Variants in NOSTRIN observed in about 807,000 individuals in gnomAD.
NOSTRIN encodes the protein BM247 homolog.
A neutral mutation model predicts 59.0 loss-of-function variants in NOSTRIN; 63 were observed. The observed-to-expected ratio is 1.07, with a 90% CI of 0.87 to 1.32. NOSTRIN has a LOEUF of 1.32. Among genes scored for constraint, NOSTRIN ranks in the 40% most tolerant of loss-of-function variants. The pLI, the probability that NOSTRIN is intolerant of heterozygous loss-of-function variation, is 0.00. For missense variants in NOSTRIN, 512 were observed against 473.1 expected (o/e 1.08, Z -0.76); for synonymous variants, 200 against 165.4 (o/e 1.21, Z -1.61).
intron 11 of NOSTRIN, chr2:168,856,068 C>G (rs139754316): frequency 8.9e-6 from 2 of 224,752 alleles, no homozygotes; most frequent in Non-Finnish European, 1.8e-5. Context: ...AATACCATAA[C>G]GAGGAAGAAG....
intron 6 of NOSTRIN, among the ~76,000 whole-genome samples, chr2:168,831,848 G>C (rs1159545646): frequency 6.6e-6 from 1 of 152,214 alleles, no homozygotes; most frequent in Non-Finnish European, 1.5e-5. Flanking sequence ...TGGAGACACA[G>C]AGAGTTTCAG....
At chr2:168,836,682 T>C (rs941408494) in intron 7 of NOSTRIN, among the ~76,000 whole-genome samples, 19 of 152,162 alleles carry the variant, frequency 1.2e-4, no homozygotes, top group African/African-American at 4.3e-4. Flanking sequence ...TCTTGCCTCC[T>C]ACCTCACAGA....
At chr2:168,807,018 C>T (rs962941975) in intron 1 of NOSTRIN, among the ~76,000 whole-genome samples, 2 of 152,122 alleles carry the variant, frequency 1.3e-5, no homozygotes, top group Non-Finnish European at 2.9e-5. Context: ...ATTTTCATAC[C>T]TAACATTTCT....
chr2:168,795,960 A>AT (rs35066095), upstream of NOSTRIN, among the ~76,000 whole-genome samples: 35 of 152,284 alleles, frequency 2.3e-4, no homozygotes, highest in Admixed American at 7.8e-4. Flanking sequence ...CCCTTAAAAA[A>AT]TTTTTTTTAA....
At chr2:168,820,598 G>A (rs1223235779) in intron 2 of NOSTRIN, among the ~76,000 whole-genome samples, 1 of 151,644 alleles carries the variant, frequency 6.6e-6, no homozygotes, top group Non-Finnish European at 1.5e-5. Flanking sequence ...GTACTTGTCT[G>A]TAAAGAGAAG....
At chr2:168,809,221 T>C (rs1686016193) in intron 1 of NOSTRIN, among the ~76,000 whole-genome samples, 1 of 152,230 alleles carries the variant, frequency 6.6e-6, no homozygotes. Flanking sequence ...GCTCTTTTTC[T>C]CTTTCCACTC....
At chr2:168,807,285 G>C (rs1180050259) in intron 1 of NOSTRIN, among the ~76,000 whole-genome samples, 1 of 152,128 alleles carries the variant, frequency 6.6e-6, no homozygotes, top group African/African-American at 2.4e-5. Flanking sequence ...CACACACAGA[G>C]AGAGAGAGAA....
chr2:168,840,257 G>T (rs984869086), intron 7 of NOSTRIN, among the ~76,000 whole-genome samples: 5 of 152,036 alleles, frequency 3.3e-5, no homozygotes, highest in African/African-American at 4.8e-5. Context: ...TCAGCTGGGC[G>T]CGGTGGCTCA....
At chr2:168,854,580 C>A (rs910979337) in intron 10 of NOSTRIN, among the ~76,000 whole-genome samples, 2 of 152,172 alleles carry the variant, frequency 1.3e-5, no homozygotes, top group Admixed American at 1.3e-4. Flanking sequence ...AGCCTCAACT[C>A]CCTGAACAAT....
intron 3 of NOSTRIN, among the ~76,000 whole-genome samples, chr2:168,826,162 G>A (rs1371872958): frequency 6.6e-6 from 1 of 152,170 alleles, no homozygotes; most frequent in Non-Finnish European, 1.5e-5. Flanking sequence ...ACCTGGCAGG[G>A]AACGAAAGCT....
At chr2:168,861,031 T>C (rs2632372) in intron 14 of NOSTRIN, 122 bp downstream of exon 14, 348,579 of 633,202 alleles carry the variant, frequency 0.55, 98,696 homozygotes, top group African/African-American at 0.73. Flanking sequence ...ATATTTCCAT[T>C]GGGACCGATT....
At position 168,831,534 on chromosome 2, in the gene NOSTRIN, G is replaced by A. The variant is rs760045899; in HGVS notation, c.405G>A (p.Lys135=). The A allele has an allele frequency of 3.5e-6, 3 of 862,842 alleles. 1 individual carries two copies. The highest frequency in any genetic ancestry group is 4.4e-4 in the Middle Eastern group (2 of 4,594). 53.4% of individuals were successfully genotyped at this position (862,842 alleles called of 1,614,324 possible). A position where few individuals can be genotyped will look rare whatever the true frequency, so the allele number is the denominator to read the frequency against. ...LVISNWNQQI[K]AKKKLMVSTK... ...TTAGCAACTGGAATCAGCAAATTAA[G>A]GCAAGTATCCACAAATACCATTTGT... Residue 135 remains lysine (K), a splice_region_variant and synonymous_variant, in exon 6 of 16, where the codon AAG becomes AAA. Transcript: ENST00000317647.
At chr2:168,829,657 T>C (rs1687258692) in intron 5 of NOSTRIN, among the ~76,000 whole-genome samples, 1 of 152,210 alleles carries the variant, frequency 6.6e-6, no homozygotes, top group Admixed American at 6.5e-5. Flanking sequence ...TTCTTTTTCG[T>C]TGTGTATTAT....
intron 2 of NOSTRIN, among the ~76,000 whole-genome samples, chr2:168,817,448 T>C (rs1686474389): frequency 6.6e-6 from 1 of 152,216 alleles, no homozygotes; most frequent in African/African-American, 2.4e-5. Flanking sequence ...TCCTCATTCC[T>C]TCTCCCTTTT....
At chr2:168,834,507 G>GCGCGCGCGCGCACACACACACA (rs756381301) in intron 7 of NOSTRIN, among the ~76,000 whole-genome samples, 182 bp downstream of exon 7, 27 of 125,338 alleles carry the variant, frequency 2.2e-4, no homozygotes, top group East Asian at 7.1e-4. Flanking sequence ...GCGCGCGCGC[G>GCGCGCGCGCGCACACACACACA]CACACACACA....
chr2:168,834,496 C>CGT (rs1377541715), intron 7 of NOSTRIN, among the ~76,000 whole-genome samples, 171 bp downstream of exon 7: 65 of 59,710 alleles, frequency 1.1e-3, no homozygotes, highest in Admixed American at 2.7e-3. Flanking sequence ...GGCGTGCGCG[C>CGT]GCGCGCGCGC....
chr2:168,824,642 T>A lies in NOSTRIN; in HGVS notation c.122T>A (p.Leu41Gln). The change falls in exon 3 of 16, where the codon CTG becomes CAG. Residue 41 changes from leucine (L) to glutamine (Q), a missense_variant. Transcript: ENST00000317647. ...TAGTCCTTTTCTAACAGGGCAAACCTGGAAATTAGCTATGCCAAAGGACTT... is the reference window on the plus strand; with the variant it reads ...TAGTCCTTTTCTAACAGGGCAAACCAGGAAATTAGCTATGCCAAAGGACTT... ...VTSVLQQRAN[L>Q]EISYAKGLQK... 1 of 872,436 alleles carries A rather than the reference T, an allele frequency of 1.1e-6. No individual in the cohort carries two copies. 54.0% of individuals were successfully genotyped at this position (872,436 alleles called of 1,614,324 possible). A position where few individuals can be genotyped will look rare whatever the true frequency, so the allele number is the denominator to read the frequency against.
At chr2:168,835,745 G>A (rs1288202177) in intron 7 of NOSTRIN, among the ~76,000 whole-genome samples, 1 of 152,070 alleles carries the variant, frequency 6.6e-6, no homozygotes, top group African/African-American at 2.4e-5. Context: ...CTTCCCCCAG[G>A]CCATATCAGA....
rs1168053279 is a variant in NOSTRIN at position 168,834,521 on chromosome 2, A to ACGCG, written c.504+197_504+198insGCGC. 2.1e-3 allele frequency among the ~76,000 whole-genome samples: 301 copies of ACGCG among 143,520 alleles called. 1 individual carries two copies. Among genetic ancestry groups the ACGCG allele is most frequent in the Middle Eastern group, 7.1e-3 (2 of 280 alleles). The allele number at this position is 143,520 out of a possible 152,430, so 94.2% of individuals were successfully genotyped here. ...CGCGCGCGCGCGCACACACACACACACACACACACACACACACACACCACA... is the reference window on the plus strand; with the variant it reads ...CGCGCGCGCGCGCACACACACACACACGCGCACACACACACACACACACACCACA... On this transcript the variant is annotated intron_variant, in intron 7 of 15. Coordinates refer to ENST00000317647, the MANE Select transcript of NOSTRIN (RefSeq NM_001039724.4).
Sources: allele counts gnomAD v4.1 joint callset (sites outside exome capture counted in the v4.1 genomes callset), GRCh38; gene constraint gnomAD v4.1.1; transcripts MANE v1.5; gene names NCBI Gene and HGNC (gene_info 2026-07-23, HGNC 2026-07-21).